Variants in RASGRP3 observed in about 807,000 individuals in gnomAD.
RASGRP3 encodes the protein RAS guanyl releasing protein 3.
A neutral mutation model predicts 82.7 loss-of-function variants in RASGRP3; 54 were observed. The ratio of observed to expected loss-of-function variants is 0.65; its 90% CI spans 0.52 to 0.82. The LOEUF (loss-of-function observed/expected upper bound fraction) is 0.82. RASGRP3 is among the 40% of genes least tolerant of loss of function. The pLI is 0.00. For synonymous variants in RASGRP3, 309 were observed against 300.5 expected (o/e 1.03, Z -0.29); for missense variants, 861 against 828.9 (o/e 1.04, Z -0.48).
intron 1 of RASGRP3, among the ~76,000 whole-genome samples, chr2:33,507,319 T>TG (rs949202502): frequency 3.3e-5 from 5 of 151,970 alleles, no homozygotes; most frequent in Admixed American, 6.6e-5. Context: ...TGCTTGAAAG[T>TG]GGGGGGCAGA....
At chr2:33,476,338 C>T (rs930101304), upstream of RASGRP3, 1 of 152,262 alleles carries the variant, frequency 6.6e-6, no homozygotes, top group Non-Finnish European at 1.5e-5. Context: ...CAGTCTCCCC[C>T]TCTGCGCACA....
intron 1 of RASGRP3, among the ~76,000 whole-genome samples, chr2:33,477,836 G>A (rs549651514): frequency 6.6e-6 from 1 of 152,280 alleles, no homozygotes; most frequent in East Asian, 1.9e-4. Context: ...TCTGGAGATC[G>A]CGTGGATCTT....
intron 2 of RASGRP3, among the ~76,000 whole-genome samples, chr2:33,463,196 A>T (rs1666477317): frequency 6.6e-6 from 1 of 152,234 alleles, no homozygotes; most frequent in Non-Finnish European, 1.5e-5. Flanking sequence ...GTTTTGTGGC[A>T]TGAACGCTAA....
At chr2:33,534,530 T>C in intron 11 of RASGRP3, 130 bp downstream of exon 11, 1 of 698,134 alleles carries the variant, frequency 1.4e-6, no homozygotes. Context: ...ATTCTTTCTT[T>C]TTCTTTTTTC....
chr2:33,504,544 A>G (rs1670175263), intron 1 of RASGRP3, among the ~76,000 whole-genome samples: 2 of 152,204 alleles, frequency 1.3e-5, no homozygotes, highest in African/African-American at 4.8e-5. Flanking sequence ...CCATTTAAAG[A>G]CAGTCTTTCA....
At position 33,555,570 on chromosome 2, in the gene RASGRP3, A is replaced by T; in HGVS notation, c.1579+3A>T. 6.3e-7 allele frequency: 1 copy of T among 1,586,176 alleles called. No individual in the cohort carries two copies. Among genetic ancestry groups the T allele is most frequent in the Non-Finnish European group, 8.6e-7 (1 of 1,158,816 alleles). On this transcript the variant is annotated splice_donor_region_variant and intron_variant, in intron 15 of 17. Transcript: ENST00000403687. ...CAAGCAAGGATACAAATGCAAAGGTAAATCAATGTTATTTTGTTACAATTT... is the reference window on the plus strand; with the variant it reads ...CAAGCAAGGATACAAATGCAAAGGTTAATCAATGTTATTTTGTTACAATTT...
intron 14 of RASGRP3, among the ~76,000 whole-genome samples, chr2:33,554,817 C>T (rs1276076436): frequency 6.6e-6 from 1 of 152,086 alleles, no homozygotes; most frequent in Non-Finnish European, 1.5e-5. Flanking sequence ...GTCTGGAGAG[C>T]GAAGACACCA....
intron 1 of RASGRP3, among the ~76,000 whole-genome samples, chr2:33,488,230 C>T (rs554166660): frequency 1.3e-4 from 20 of 152,262 alleles, no homozygotes; most frequent in African/African-American, 3.6e-4. Context: ...TGGCAAAGCA[C>T]GTTTCTCTCA....
At chr2:33,462,775 G>T (rs999381112) in intron 2 of RASGRP3, among the ~76,000 whole-genome samples, 1 of 152,174 alleles carries the variant, frequency 6.6e-6, no homozygotes, top group Non-Finnish European at 1.5e-5. Flanking sequence ...TCAAGAAAAA[G>T]AATTTAAATA....
Position 33,509,334 on chromosome 2 carries a change from G to A in RASGRP3, c.-260-2376G>A, listed in dbSNP as rs145963838. ...GGAGAATCACTTGAGCCTGGGAGGCGGAGGTTGCAGTGAGCTGAGATCATG... is the reference window on the plus strand; with the variant it reads ...GGAGAATCACTTGAGCCTGGGAGGCAGAGGTTGCAGTGAGCTGAGATCATG... On this transcript the variant is annotated intron_variant, in intron 1 of 17. Coordinates refer to ENST00000403687, the MANE Select transcript of RASGRP3 (RefSeq NM_001139488.2). Among the ~76,000 whole-genome samples the A allele has an allele frequency of 4.3e-3, 656 of 152,062 alleles. 6 individuals are homozygous for A. The highest frequency in any genetic ancestry group is 0.015 in the African/African-American group (604 of 41,480).
chr2:33,527,463 T>C, intron 10 of RASGRP3, 51 bp downstream of exon 10: 10 of 1,526,634 alleles, frequency 6.6e-6, no homozygotes, highest in Non-Finnish European at 8.9e-6. Flanking sequence ...TGCACCTTTC[T>C]TTCCAGGAGA....
intron 12 of RASGRP3, among the ~76,000 whole-genome samples, chr2:33,543,303 G>C (rs527465012): frequency 6.6e-6 from 1 of 152,294 alleles, no homozygotes; most frequent in South Asian, 2.1e-4. Context: ...TTACAGGTGT[G>C]AGCCACCACA....
chr2:33,527,962 T>C (rs1672742477), intron 10 of RASGRP3, among the ~76,000 whole-genome samples: 1 of 152,198 alleles, frequency 6.6e-6, no homozygotes. Context: ...CTTTGAGAAA[T>C]ATTGAACTTC....
chr2:33,462,912 C>G (rs1451220871), intron 2 of RASGRP3, among the ~76,000 whole-genome samples: 1 of 152,152 alleles, frequency 6.6e-6, no homozygotes, highest in Non-Finnish European at 1.5e-5. Flanking sequence ...TCTCTGCACA[C>G]TAAAATGATT....
chr2:33,464,680 T>A (rs898169575), intron 2 of RASGRP3, among the ~76,000 whole-genome samples: 1 of 152,134 alleles, frequency 6.6e-6, no homozygotes, highest in African/African-American at 2.4e-5. Flanking sequence ...TTTCACTATG[T>A]TGCCCAGGTT....
chr2:33,458,293 C>A (rs1666156291), intron 2 of RASGRP3, among the ~76,000 whole-genome samples: 2 of 152,112 alleles, frequency 1.3e-5, no homozygotes, highest in Admixed American at 1.3e-4. Context: ...ACAAAGAATG[C>A]TTTGGCAATG....
At chr2:33,491,473 A>G (rs1381290128) in intron 1 of RASGRP3, among the ~76,000 whole-genome samples, 1 of 152,164 alleles carries the variant, frequency 6.6e-6, no homozygotes, top group Non-Finnish European at 1.5e-5. Context: ...CAACTTATTT[A>G]TTTATAACAT....
intron 15 of RASGRP3, among the ~76,000 whole-genome samples, chr2:33,556,560 T>C (rs1190632405): frequency 2.6e-5 from 4 of 152,140 alleles, no homozygotes; most frequent in African/African-American, 7.2e-5. Context: ...TCTAATAATC[T>C]TATAAAGCTT....
At chr2:33,492,267 A>G (rs555313528) in intron 1 of RASGRP3, among the ~76,000 whole-genome samples, 3 of 152,298 alleles carry the variant, frequency 2.0e-5, no homozygotes, top group African/African-American at 4.8e-5. Flanking sequence ...CTCTGGGGCA[A>G]TTGACCTTTG....
Sources: allele counts gnomAD v4.1 joint callset (sites outside exome capture counted in the v4.1 genomes callset), GRCh38; gene constraint gnomAD v4.1.1; transcripts MANE v1.5; gene names NCBI Gene and HGNC (gene_info 2026-07-23, HGNC 2026-07-21).